NPAS2: variants seen among roughly 807,000 people sequenced by gnomAD.
NPAS2 encodes the protein neuronal PAS domain protein 2, also known as neuronal PAS domain-containing protein 2.
NPAS2 carries 23 observed loss-of-function variants against 107.5 expected under a neutral mutation model. The observed-to-expected ratio is 0.21, with a 90% CI of 0.15 to 0.30. The LOEUF (loss-of-function observed/expected upper bound fraction) is 0.30, where lower values mean the gene tolerates loss of function less well. Ranked by LOEUF, NPAS2 falls within the 10% of genes least tolerant of loss-of-function variation. NPAS2 has a pLI of 1.00. For missense variants in NPAS2, 756 were observed against 1,043.3 expected (o/e 0.72, Z 3.79); for synonymous variants, 403 against 417.5 (o/e 0.97, Z 0.42).
At chr2:100,982,102 T>A in intron 15 of NPAS2, 129 bp from the exon 16 acceptor site, 1 of 1,135,980 alleles carries the variant, frequency 8.8e-7, no homozygotes, top group Non-Finnish European at 1.2e-6. Context: ...AGCCGTGGGC[T>A]CCTTAGGGAT....
chr2:100,982,447 G>A (rs548750658), intron 16 of NPAS2, 70 bp downstream of exon 16: 2 of 1,567,516 alleles, frequency 1.3e-6, no homozygotes, highest in African/African-American at 2.7e-5. Flanking sequence ...CCATTTCCGG[G>A]CAGCCAGGAC....
chr2:100,878,758 A>T, intron 1 of NPAS2: 1 of 281,214 alleles, frequency 3.6e-6, no homozygotes, highest in South Asian at 1.4e-4. Flanking sequence ...CTGAGTCCAA[A>T]TAATATAACC....
At chr2:100,873,454 A>G (rs1679754396) in intron 1 of NPAS2, among the ~76,000 whole-genome samples, 1 of 150,962 alleles carries the variant, frequency 6.6e-6, no homozygotes, top group Admixed American at 6.6e-5. Flanking sequence ...CATTTTCTCA[A>G]TACAACAATA....
intron 15 of NPAS2, among the ~76,000 whole-genome samples, chr2:100,980,686 G>A (rs1374939377): frequency 5.3e-5 from 8 of 152,138 alleles, no homozygotes; most frequent in Admixed American, 5.2e-4. Context: ...GGCCAGGCTG[G>A]TCTCAAACTC....
intron 2 of NPAS2, among the ~76,000 whole-genome samples, chr2:100,921,733 G>A (rs963951353): frequency 1.3e-5 from 2 of 152,138 alleles, no homozygotes; most frequent in Non-Finnish European, 2.9e-5. Flanking sequence ...ACATTTCAAC[G>A]GCTAAACATT....
intron 1 of NPAS2, among the ~76,000 whole-genome samples, chr2:100,836,415 C>T (rs1050083311): frequency 6.6e-6 from 1 of 152,110 alleles, no homozygotes; most frequent in African/African-American, 2.4e-5. Context: ...CTGAATTATT[C>T]TGGGCTGTAT....
At chr2:100,935,156 G>A in intron 4 of NPAS2, 1 of 939,992 alleles carries the variant, frequency 1.1e-6, no homozygotes, top group Non-Finnish European at 1.3e-6. Context: ...GGCAAAGACT[G>A]TGGCTACCAG....
At chr2:100,855,629 G>A (rs1678507101) in intron 1 of NPAS2, among the ~76,000 whole-genome samples, 1 of 152,188 alleles carries the variant, frequency 6.6e-6, no homozygotes, top group African/African-American at 2.4e-5. Context: ...TTGCCCTCTT[G>A]TTGCTCTCAT....
chr2:100,995,599 T>G lies in NPAS2; in HGVS notation c.*17T>G. On this transcript the variant is annotated 3_prime_UTR_variant, in exon 21 of 21. Transcript: ENST00000335681. ...CCCCGATAATGCCCCGGCACTGAAG[T>G]CGGGACACAATCAGCTTTAACCAAT... 6.3e-7 allele frequency: 1 copy of G among 1,597,294 alleles called. No individual in the cohort carries two copies. Among genetic ancestry groups the G allele is most frequent in the Non-Finnish European group, 8.5e-7 (1 of 1,171,690 alleles).
intron 15 of NPAS2, among the ~76,000 whole-genome samples, chr2:100,980,971 G>A (rs1192106419): frequency 9.2e-6 from 1 of 108,496 alleles, no homozygotes; most frequent in African/African-American, 4.4e-5. Flanking sequence ...CAGCCTCTTG[G>A]GGTGGCATGG....
At chr2:100,852,871 A>T (rs1462522335) in intron 1 of NPAS2, among the ~76,000 whole-genome samples, 2 of 152,102 alleles carry the variant, frequency 1.3e-5, no homozygotes, top group African/African-American at 4.8e-5. Flanking sequence ...TGCTTTCTTT[A>T]AAAAAATAAA....
chr2:100,948,472 C>G (rs927297302), intron 6 of NPAS2, 117 bp downstream of exon 6: 1 of 937,590 alleles, frequency 1.1e-6, no homozygotes, highest in Non-Finnish European at 1.5e-6. Flanking sequence ...CCTCATGACT[C>G]AGAACATTTC....
chr2:100,851,179 T>C (rs1678153402), intron 1 of NPAS2, among the ~76,000 whole-genome samples: 1 of 152,032 alleles, frequency 6.6e-6, no homozygotes, highest in African/African-American at 2.4e-5. Context: ...TACCATTTAA[T>C]AGGAATAAAG....
chr2:100,926,262 GAT>G (rs1451237251), intron 3 of NPAS2, among the ~76,000 whole-genome samples: 1 of 152,166 alleles, frequency 6.6e-6, no homozygotes, highest in Non-Finnish European at 1.5e-5. Context: ...TTTTTGAGTT[GAT>G]ATATGTTTTC....
chr2:100,980,939 CTGTG>C (rs1395078535), intron 15 of NPAS2, among the ~76,000 whole-genome samples: 3 of 152,004 alleles, frequency 2.0e-5, no homozygotes, highest in Non-Finnish European at 1.5e-5. Context: ...CACCATCTCG[CTGTG>C]TGATTTCCAG....
intron 1 of NPAS2, among the ~76,000 whole-genome samples, chr2:100,851,221 C>G (rs768688476): frequency 1.3e-5 from 2 of 152,076 alleles, no homozygotes; most frequent in Non-Finnish European, 2.9e-5. Context: ...AAGTTCTGGA[C>G]GTAGTTTACA....
At chr2:100,830,352 T>C (rs1444582308) in intron 1 of NPAS2, among the ~76,000 whole-genome samples, 1 of 152,224 alleles carries the variant, frequency 6.6e-6, no homozygotes, top group Non-Finnish European at 1.5e-5. Context: ...CTATAAGTTC[T>C]AGGGTACATG....
intron 1 of NPAS2, among the ~76,000 whole-genome samples, chr2:100,835,202 G>A (rs555827597): frequency 9.2e-5 from 14 of 152,312 alleles, no homozygotes; most frequent in East Asian, 3.9e-4. Flanking sequence ...CCACCGGGGC[G>A]CAGATAAGTT....
At chr2:100,924,257 A>G (rs1683422090) in intron 2 of NPAS2, among the ~76,000 whole-genome samples, 1 of 152,028 alleles carries the variant, frequency 6.6e-6, no homozygotes, top group African/African-American at 2.4e-5. Context: ...CATTGTTACC[A>G]TTCAGAGTTA....
Sources: allele counts gnomAD v4.1 joint callset (sites outside exome capture counted in the v4.1 genomes callset), GRCh38; gene constraint gnomAD v4.1.1; transcripts MANE v1.5; gene names NCBI Gene and HGNC (gene_info 2026-07-23, HGNC 2026-07-21).